The following FAM162B variants were observed in gnomAD, a reference collection of about 807,000 sequenced individuals.
FAM162B encodes protein FAM162B.
A neutral mutation model predicts 20.0 loss-of-function variants in FAM162B; 16 were observed. That is an observed-to-expected ratio of 0.80 (90% CI 0.54 to 1.21). FAM162B has a LOEUF of 1.21. Ranked by LOEUF, FAM162B falls within the 50% of genes most tolerant of loss-of-function variation. FAM162B has a pLI of 0.00. For missense variants in FAM162B, 260 were observed against 227.5 expected (o/e 1.14, Z -0.92); for synonymous variants, 83 against 89.7 (o/e 0.93, Z 0.42).
chr6:116,757,807 A>G (rs921433628), intron 3 of FAM162B, among the ~76,000 whole-genome samples: 1 of 151,418 alleles, frequency 6.6e-6, no homozygotes, highest in Non-Finnish European at 1.5e-5. Context: ...TCAAATGCTG[A>G]TAGGTCAATG....
chr6:116,752,703 G>A lies in FAM162B; in HGVS notation c.391-8C>T. The A allele has an allele frequency of 2.3e-6, 3 of 1,329,454 alleles. No homozygotes were observed. Among genetic ancestry groups the A allele is most frequent in the Non-Finnish European group, 2.0e-6 (2 of 991,094 alleles). 82.4% of individuals were successfully genotyped at this position (1,329,454 alleles called of 1,614,324 possible). On this transcript the variant is annotated splice_region_variant and splice_polypyrimidine_tract_variant and intron_variant, in intron 3 of 3. Transcript: ENST00000368557. The stretch of plus-strand genomic sequence containing the variant: ...TTCATGTCGTTCTACAGCCTGTGGG[G>A]GGGAAGAAATATATATATATATATA...
chr6:116,755,335 C>T (rs993916010), intron 3 of FAM162B, among the ~76,000 whole-genome samples: 2 of 152,156 alleles, frequency 1.3e-5, no homozygotes, highest in Admixed American at 1.3e-4. Context: ...TCAAACCAGC[C>T]ACAGCATTCC....
intron 3 of FAM162B, among the ~76,000 whole-genome samples, chr6:116,756,263 T>C (rs976559759): frequency 2.0e-5 from 3 of 152,114 alleles, no homozygotes; most frequent in Non-Finnish European, 2.9e-5. Context: ...CCAATCCTCA[T>C]AGATAACTTT....
chr6:116,756,619 C>A (rs6939549), intron 3 of FAM162B, among the ~76,000 whole-genome samples: 52,498 of 151,860 alleles, frequency 0.35, 9,708 homozygotes, highest in African/African-American at 0.48. Flanking sequence ...ACAGCATTGC[C>A]TGCTACATGG....
Position 116,752,501 on chromosome 6 carries a change from A to G in FAM162B, c.*96T>C, listed in dbSNP as rs1780002478. The G allele has an allele frequency of 1.9e-6, 1 of 530,616 alleles. No individual in the cohort carries two copies. Among genetic ancestry groups the G allele is most frequent in the Non-Finnish European group, 3.2e-6 (1 of 314,564 alleles). The allele number at this position is 530,616 out of a possible 1,614,324, so 32.9% of individuals were successfully genotyped here. On this transcript the variant is annotated 3_prime_UTR_variant, in exon 4 of 4. Coordinates refer to ENST00000368557, the MANE Select transcript of FAM162B (RefSeq NM_001085480.3). ...TGCTTCTTGTTACCAAAATAAAACC[A>G]TGGCAGATATTTTGGTAAATATTCT...
intron 3 of FAM162B, 43 bp from the exon 4 acceptor site, chr6:116,752,738 A>G: frequency 7.6e-6 from 4 of 527,700 alleles, no homozygotes; most frequent in East Asian, 5.2e-5. Flanking sequence ...ATATATAGAT[A>G]CACGTATATA....
rs755603005 is a variant in FAM162B at position 116,752,699 on chromosome 6, T to TG, written c.391-5dup. The TG allele has an allele frequency of 3.7e-5, 53 of 1,430,046 alleles. No homozygotes were observed. Among genetic ancestry groups the TG allele is most frequent in the Middle Eastern group, 1.8e-4 (1 of 5,446 alleles). 88.6% of individuals were successfully genotyped at this position (1,430,046 alleles called of 1,614,324 possible). A position where few individuals can be genotyped will look rare whatever the true frequency, so the allele number is the denominator to read the frequency against. The stretch of plus-strand genomic sequence containing the variant: ...AGGATTCATGTCGTTCTACAGCCTG[T>TG]GGGGGGGAAGAAATATATATATATA... On this transcript the variant is annotated splice_polypyrimidine_tract_variant and splice_region_variant and intron_variant, in intron 3 of 3. Coordinates refer to ENST00000368557, the MANE Select transcript of FAM162B (RefSeq NM_001085480.3).
At chr6:116,752,749 T>TAC in intron 3 of FAM162B, 54 bp from the exon 4 acceptor site, 1 of 459,654 alleles carries the variant, frequency 2.2e-6, no homozygotes, top group Non-Finnish European at 3.1e-6. Context: ...CACGTATATA[T>TAC]ATATATATAC....
rs866813474 is a variant in FAM162B at position 116,757,706 on chromosome 6, G to A, written c.390+4271C>T. Among the ~76,000 whole-genome samples the A allele has an allele frequency of 5.1e-4, 75 of 148,310 alleles. 2 individuals are homozygous for A. Among genetic ancestry groups the A allele is most frequent in the Middle Eastern group, 3.5e-3 (1 of 286 alleles). On this transcript the variant is annotated intron_variant, in intron 3 of 3. Coordinates refer to ENST00000368557, the MANE Select transcript of FAM162B (RefSeq NM_001085480.3). Reference sequence around the variant, plus strand: ...AGAGGATGCAGGGAGCCAAGATCATGCCACTGCACTCCAGCCTGGGTGAGA... The same window carrying A: ...AGAGGATGCAGGGAGCCAAGATCATACCACTGCACTCCAGCCTGGGTGAGA...
intron 2 of FAM162B, 40 bp downstream of exon 2, chr6:116,765,105 CCG>C: frequency 6.3e-7 from 1 of 1,595,838 alleles, no homozygotes; most frequent in Non-Finnish European, 8.6e-7. Flanking sequence ...ACCCTTGCGG[CCG>C]GGGACCGACT....
chr6:116,754,685 TTTCTTC>T (rs142743211), intron 3 of FAM162B, among the ~76,000 whole-genome samples: 3 of 151,570 alleles, frequency 2.0e-5, no homozygotes, highest in South Asian at 2.1e-4. Flanking sequence ...ACTTTCTTTC[TTTCTTC>T]TTCTTCTTTT....
chr6:116,761,783 A>T (rs1771785530), intron 3 of FAM162B, among the ~76,000 whole-genome samples, 194 bp downstream of exon 3: 1 of 150,826 alleles, frequency 6.6e-6, no homozygotes. Context: ...CAAGTCTCAA[A>T]GACAAAATTG....
chr6:116,753,409 T>G (rs1227676788), intron 3 of FAM162B, among the ~76,000 whole-genome samples: 1 of 152,090 alleles, frequency 6.6e-6, no homozygotes, highest in Non-Finnish European at 1.5e-5. Flanking sequence ...AGGCAATAGA[T>G]GTATATTGGT....
chr6:116,753,091 C>A (rs1183899258), intron 3 of FAM162B, among the ~76,000 whole-genome samples: 1 of 151,984 alleles, frequency 6.6e-6, no homozygotes, highest in African/African-American at 2.4e-5. Context: ...TTCCCCCTGC[C>A]TACCAGTCTT....
At chr6:116,761,834 A>C (rs1771788423) in intron 3 of FAM162B, 143 bp downstream of exon 3, 1 of 522,572 alleles carries the variant, frequency 1.9e-6, no homozygotes, top group Admixed American at 3.4e-5. Context: ...AATCGAGAAC[A>C]ATGTCCATGA....
intron 3 of FAM162B, among the ~76,000 whole-genome samples, chr6:116,759,571 T>G: frequency 6.6e-6 from 1 of 152,102 alleles, no homozygotes; most frequent in East Asian, 1.9e-4. Flanking sequence ...CCTCCCAAAG[T>G]GCTGGGATTA....
intron 3 of FAM162B, among the ~76,000 whole-genome samples, chr6:116,759,868 G>A (rs1780118394): frequency 6.6e-6 from 1 of 151,990 alleles, no homozygotes; most frequent in Non-Finnish European, 1.5e-5. Context: ...CTTTGCACAT[G>A]CTGTTCTTTC....
intron 3 of FAM162B, 91 bp from the exon 4 acceptor site, chr6:116,752,786 C>A: frequency 2.8e-6 from 1 of 357,204 alleles, no homozygotes; most frequent in Non-Finnish European, 4.1e-6. Context: ...CTCACTGTGA[C>A]TCTCTGGAAA....
At position 116,756,712 on chromosome 6, in the gene FAM162B, A is replaced by G. The variant is rs906332994; in HGVS notation, c.391-4017T>C. 5.3e-5 allele frequency among the ~76,000 whole-genome samples: 8 copies of G among 152,178 alleles called. 1 individual carries two copies. Among genetic ancestry groups the G allele is most frequent in the Non-Finnish European group, 7.3e-5 (5 of 68,038 alleles). On this transcript the variant is annotated intron_variant, in intron 3 of 3. Coordinates refer to ENST00000368557, the MANE Select transcript of FAM162B (RefSeq NM_001085480.3). ...TTAAGAAATTGCCACAGCCACCCCAACCTTCAGCAACCACCATCCTGATCT... is the reference window on the plus strand; with the variant it reads ...TTAAGAAATTGCCACAGCCACCCCAGCCTTCAGCAACCACCATCCTGATCT...
Sources: gnomAD v4.1 joint callset for allele counts (sites outside exome capture counted in the v4.1 genomes callset) on GRCh38, gnomAD v4.1.1 for gene constraint, MANE v1.5 for transcripts, NCBI Gene and HGNC (gene_info 2026-07-23, HGNC 2026-07-21) for gene names.